Variants in EPRS1 observed in about 807,000 individuals in gnomAD.
EPRS1 encodes glutamyl-prolyl-tRNA synthetase 1.
A neutral mutation model predicts 188.3 loss-of-function variants in EPRS1; 107 were observed. The ratio of observed to expected loss-of-function variants is 0.57; its 90% confidence interval spans 0.49 to 0.67. The LOEUF is 0.67. Ranked by LOEUF, EPRS1 falls within the 30% of genes least tolerant of loss-of-function variation. The pLI, the probability that EPRS1 is intolerant of heterozygous loss-of-function variation, is 0.00. For missense variants in EPRS1, 1,577 were observed against 1,802.2 expected (o/e 0.88, Z 2.26); for synonymous variants, 596 against 593.1 (o/e 1.00, Z -0.07).
chr1:220,027,865 A>T (rs1036731243), intron 6 of EPRS1, among the ~76,000 whole-genome samples: 2 of 151,762 alleles, frequency 1.3e-5, no homozygotes, highest in Admixed American at 6.6e-5. Context: ...AAATTTTTTA[A>T]AAAAAGGGCT....
intron 6 of EPRS1, among the ~76,000 whole-genome samples, chr1:220,027,820 T>C (rs1662011868): frequency 6.6e-6 from 1 of 151,394 alleles, no homozygotes; most frequent in Non-Finnish European, 1.5e-5. Context: ...CTGTCTCTAC[T>C]AAAAATACAA....
intron 18 of EPRS1, among the ~76,000 whole-genome samples, chr1:219,990,473 G>C: frequency 6.6e-6 from 1 of 152,178 alleles, no homozygotes; most frequent in Middle Eastern, 3.4e-3. Flanking sequence ...AGTGCTTTAC[G>C]TGGTATCTTA....
At position 220,018,461 on chromosome 1, in the gene EPRS1, C is replaced by T. The variant is rs760820643; in HGVS notation, c.1482G>A (p.Ala494=). 1.2e-5 allele frequency: 19 copies of T among 1,610,550 alleles called. No homozygotes were observed. Among genetic ancestry groups the T allele is most frequent in the Middle Eastern group, 1.8e-4 (1 of 5,422 alleles). The part of the protein sequence containing the change: ...VVNMEWDKIW[A]FNKKVIDPVA... ...TTAACATACATACCTTTTTGTTAAA[C>T]GCCCAGATTTTGTCCCACTCCATGT... Residue 494 remains alanine, a synonymous_variant, in exon 12 of 32, where the codon GCG becomes GCA. Transcript: ENST00000366923.
intron 12 of EPRS1, among the ~76,000 whole-genome samples, chr1:220,015,098 G>A (rs1413394998): frequency 6.6e-6 from 1 of 152,094 alleles, no homozygotes; most frequent in Non-Finnish European, 1.5e-5. Context: ...CGAAACAAGA[G>A]TACCAGTCCA....
At chr1:220,011,760 T>C (rs1661608086) in intron 12 of EPRS1, among the ~76,000 whole-genome samples, 1 of 152,236 alleles carries the variant, frequency 6.6e-6, no homozygotes, top group Non-Finnish European at 1.5e-5. Context: ...AAATCATCAG[T>C]AGCATCCCCT....
chr1:219,994,833 T>C (rs1661200503), intron 18 of EPRS1, among the ~76,000 whole-genome samples: 1 of 151,990 alleles, frequency 6.6e-6, no homozygotes, highest in African/African-American at 2.4e-5. Context: ...TTTGCATTTT[T>C]AGTAGAGACA....
chr1:220,014,994 G>A (rs988288255), intron 12 of EPRS1, among the ~76,000 whole-genome samples: 3 of 152,146 alleles, frequency 2.0e-5, no homozygotes, highest in South Asian at 4.1e-4. Context: ...TGGAACTATA[G>A]TAGCATAAAT....
rs1208885593 is a variant in EPRS1, at chr1:220,020,233, G to T, written c.1116-12C>A. On this transcript the variant is annotated splice_polypyrimidine_tract_variant and intron_variant, in intron 9 of 31. Coordinates refer to ENST00000366923, the MANE Select transcript of EPRS1 (RefSeq NM_004446.3). ...ATGTTGGATAAACACTAGAAAAAAA[G>T]AAAATAAAATAAACAAAACATTTTA... The T allele has an allele frequency of 2.1e-5, 32 of 1,536,406 alleles. No homozygotes were observed. Among genetic ancestry groups the T allele is most frequent in the Admixed American group, 7.0e-5 (4 of 57,228 alleles).
chr1:220,029,004 T>C (rs1662038035), intron 6 of EPRS1, among the ~76,000 whole-genome samples: 1 of 152,148 alleles, frequency 6.6e-6, no homozygotes, highest in Non-Finnish European at 1.5e-5. Flanking sequence ...ACTGTAAATA[T>C]ACAAACATGG....
At chr1:219,978,948 A>G (rs7545874) in intron 27 of EPRS1, among the ~76,000 whole-genome samples, 2,292 of 85,626 alleles carry the variant, frequency 0.027, 18 homozygotes, top group African/African-American at 0.038. Flanking sequence ...ATGTGTGTGT[A>G]TATATATATA....
rs1236412708 is a variant in EPRS1 at position 219,997,027 on chromosome 1, G to C, written c.2497C>G (p.Gln833Glu). ...SKSLYDEVAAQGEVVRKLKAE... is the reference protein window; with the variant it reads ...SKSLYDEVAAEGEVVRKLKAE... ...TTTAGCTTACGAACCACCTCCCCTT[G>C]TGCAGCAACTTCATCATACAGAGAT... Residue 833 changes from glutamine (Q) to glutamate (E), a missense_variant, in exon 18 of 32, where the codon CAA (glutamine) becomes GAA (glutamate). Gln to Glu is a conservative substitution (Grantham distance 29, BLOSUM62 2). Around this residue, in one of 3 missense-constraint regions of EPRS1, gnomAD observed 1,278 missense variants for 1,457.4 expected, o/e 0.88. Coordinates refer to ENST00000366923, the MANE Select transcript of EPRS1 (RefSeq NM_004446.3). 6.2e-7 allele frequency: 1 copy of C among 1,612,334 alleles called. No homozygotes were observed. Among genetic ancestry groups the C allele is most frequent in the Non-Finnish European group, 8.5e-7 (1 of 1,179,442 alleles).
intron 1 of EPRS1, among the ~76,000 whole-genome samples, chr1:220,041,314 A>C (rs535185100): frequency 6.6e-6 from 1 of 151,830 alleles, no homozygotes; most frequent in South Asian, 2.1e-4. Flanking sequence ...CCTGAATGAC[A>C]CAGCGAAACT....
At chr1:220,001,386 G>A in intron 16 of EPRS1, 131 bp from the exon 17 acceptor site, 1 of 651,666 alleles carries the variant, frequency 1.5e-6, no homozygotes, top group Non-Finnish European at 2.7e-6. Context: ...TTTCCTTTTT[G>A]AGACAGTCTC....
Position 220,033,133 on chromosome 1 carries a change from G to A in EPRS1, c.388+369C>T, listed in dbSNP as rs564598307. Reference sequence around the variant, plus strand: ...CTAACCTCCCAGTCACACACTCACTGAGCAATAATGGCTTTTTTCAAGTCA... The same window carrying A: ...CTAACCTCCCAGTCACACACTCACTAAGCAATAATGGCTTTTTTCAAGTCA... On this transcript the variant is annotated intron_variant, in intron 4 of 31. Coordinates refer to ENST00000366923, the MANE Select transcript of EPRS1 (RefSeq NM_004446.3). Among the ~76,000 whole-genome samples the A allele has an allele frequency of 1.3e-4, 20 of 152,140 alleles. No homozygotes were observed. The South Asian group carries it at 4.0e-3, about 30-fold the overall frequency.
chr1:220,029,100 TG>T (rs1338443970), intron 6 of EPRS1, among the ~76,000 whole-genome samples: 1 of 152,114 alleles, frequency 6.6e-6, no homozygotes, highest in Non-Finnish European at 1.5e-5. Context: ...CAGCTAAAAA[TG>T]GCCACTGCCA....
rs146446907 is a variant in EPRS1 at position 219,984,901 on chromosome 1, G to A, written c.3039-644C>T. Among the ~76,000 whole-genome samples, 947 of 152,140 alleles carry A rather than the reference G, an allele frequency of 6.2e-3. 12 individuals are homozygous for A. Among genetic ancestry groups the A allele is most frequent in the African/African-American group, 0.022 (893 of 41,500 alleles). On this transcript the variant is annotated intron_variant, in intron 20 of 31. Coordinates refer to ENST00000366923, the MANE Select transcript of EPRS1 (RefSeq NM_004446.3). The stretch of plus-strand genomic sequence containing the variant: ...CTACTAAAAACAAAATGAGCCAGGC[G>A]TGGTGGCGCATGCTTGTAATCCCAG...
At chr1:219,980,940 C>T in intron 24 of EPRS1, 83 bp from the exon 25 acceptor site, 2 of 892,066 alleles carry the variant, frequency 2.2e-6, no homozygotes, top group African/African-American at 1.7e-5. Flanking sequence ...TGCTCTGTCC[C>T]CCAGGCTGGA....
At chr1:219,977,209 T>C (rs930790685) in intron 28 of EPRS1, among the ~76,000 whole-genome samples, 2 of 152,182 alleles carry the variant, frequency 1.3e-5, no homozygotes, top group African/African-American at 2.4e-5. Flanking sequence ...ACTAATACCT[T>C]CACTAGATAG....
intron 2 of EPRS1, among the ~76,000 whole-genome samples, chr1:220,038,114 C>T (rs1319601178): frequency 7.1e-6 from 1 of 141,158 alleles, no homozygotes; most frequent in African/African-American, 2.6e-5. Context: ...TGGAGTTTCA[C>T]TATTGTTGCC....
Sources: gnomAD v4.1 joint callset for allele counts (sites outside exome capture counted in the v4.1 genomes callset) on GRCh38, gnomAD v4.1.1 for gene constraint, gnomAD v4.1.1 regional missense constraint, MANE v1.5 for transcripts, NCBI Gene and HGNC (gene_info 2026-07-23, HGNC 2026-07-21) for gene names.